The following VPS13B variants were observed in gnomAD, a reference collection of about 807,000 sequenced individuals.
VPS13B encodes the protein vacuolar protein sorting 13 homolog B, also known as intermembrane lipid transfer protein VPS13B.
A neutral mutation model predicts 426.4 loss-of-function variants in VPS13B; 285 were observed. The observed-to-expected ratio is 0.67, with a 90% CI of 0.61 to 0.74. VPS13B has a LOEUF of 0.74. Ranked by LOEUF, VPS13B falls within the 30% of genes least tolerant of loss-of-function variation. The pLI is 0.00. For missense variants in VPS13B, 4,537 were observed against 4,782.6 expected, an observed-to-expected ratio of 0.95 and a Z score of 1.51; for synonymous variants, 1,676 against 1,676.4, an observed-to-expected ratio of 1.00 and a Z score of 0.01.
intron 19 of VPS13B, among the ~76,000 whole-genome samples, chr8:99,310,430 A>C (rs1435089782): frequency 6.6e-6 from 1 of 152,202 alleles, no homozygotes; most frequent in East Asian, 1.9e-4. Context: ...CCTTTTCTGC[A>C]TCTATTGAGA....
chr8:99,820,215 A>G (rs569887276), intron 49 of VPS13B, 93 bp downstream of exon 49: 2 of 1,284,906 alleles, frequency 1.6e-6, no homozygotes, highest in East Asian at 4.8e-5. Context: ...AGAATGAATC[A>G]GTTGTGAAAA....
rs1829387190 is a variant in VPS13B, at chr8:99,641,956, C to A, written c.5366C>A (p.Ala1789Asp). 7 of 1,614,090 alleles carry A rather than the reference C, an allele frequency of 4.3e-6. No individual in the cohort carries two copies. In the East Asian group the frequency reaches 1.6e-4, roughly 36 times the overall value. ...GTGCAAATAGAGCAGCACAGTGGTGCCAGTCAGCATCGCATTGCCCGTCCC... is the reference window on the plus strand; with the variant it reads ...GTGCAAATAGAGCAGCACAGTGGTGACAGTCAGCATCGCATTGCCCGTCCC... ...RIVQIEQHSG[A>D]SQHRIARPSR... The change falls in exon 34 of 62, where the codon GCC (alanine) becomes GAC (aspartate). Residue 1789 changes from alanine to aspartate, a missense_variant. Physicochemically the swap from Ala to Asp is moderately radical, Grantham distance 126 (BLOSUM62 -2). Around this residue, in one of 2 missense-constraint regions of VPS13B, gnomAD observed 4,311 missense variants for 4,474.3 expected, o/e 0.96. Coordinates refer to ENST00000357162, the MANE Select transcript of VPS13B (RefSeq NM_152564.5).
chr8:99,731,643 G>T (rs1460533063), intron 39 of VPS13B, among the ~76,000 whole-genome samples: 2 of 152,124 alleles, frequency 1.3e-5, no homozygotes, highest in Admixed American at 6.6e-5. Flanking sequence ...GAGATGAGAG[G>T]CTGCAACCTG....
At chr8:99,022,603 A>C (rs914097979) in intron 2 of VPS13B, among the ~76,000 whole-genome samples, 1 of 152,178 alleles carries the variant, frequency 6.6e-6, no homozygotes, top group Non-Finnish European at 1.5e-5. Flanking sequence ...CATTCTGTAA[A>C]TATCACTTAC....
At chr8:99,405,228 C>G (rs1588338227) in intron 21 of VPS13B, among the ~76,000 whole-genome samples, 2 of 152,150 alleles carry the variant, frequency 1.3e-5, no homozygotes, top group Admixed American at 6.5e-5. Flanking sequence ...CTACACATCT[C>G]TACTTAGGTA....
At chr8:99,065,601 G>A (rs1452871087) in intron 3 of VPS13B, among the ~76,000 whole-genome samples, 1 of 152,166 alleles carries the variant, frequency 6.6e-6, no homozygotes, top group Non-Finnish European at 1.5e-5. Context: ...GCACAACACA[G>A]GGATGCCCTC....
intron 17 of VPS13B, among the ~76,000 whole-genome samples, chr8:99,250,129 T>C (rs1192265813): frequency 1.3e-5 from 2 of 152,236 alleles, no homozygotes; most frequent in Non-Finnish European, 2.9e-5. Flanking sequence ...ACAAATGATG[T>C]TGAATATTTT....
chr8:99,862,093 C>A (rs575724966), intron 58 of VPS13B, 147 bp downstream of exon 58: 6 of 961,930 alleles, frequency 6.2e-6, no homozygotes, highest in Non-Finnish European at 9.1e-6. Flanking sequence ...TTCTACAGTG[C>A]GTCCCGCCGG....
chr8:99,653,330 C>T (rs1338096567), intron 34 of VPS13B, among the ~76,000 whole-genome samples: 1 of 152,140 alleles, frequency 6.6e-6, no homozygotes, highest in Non-Finnish European at 1.5e-5. Flanking sequence ...TCAACATTTA[C>T]TTAAAACAAA....
At chr8:99,200,966 G>A (rs1265161218) in intron 17 of VPS13B, among the ~76,000 whole-genome samples, 1 of 150,166 alleles carries the variant, frequency 6.7e-6, no homozygotes. Context: ...ATTGATTCTT[G>A]GTCATCATCA....
intron 30 of VPS13B, chr8:99,528,037 A>G (rs1031216321): frequency 6.6e-6 from 1 of 152,110 alleles, no homozygotes; most frequent in African/African-American, 2.4e-5. Context: ...CTTATTAACT[A>G]TAGTTTGTAT....
intron 31 of VPS13B, among the ~76,000 whole-genome samples, chr8:99,559,812 G>A (rs1036984264): frequency 5.3e-5 from 8 of 151,862 alleles, no homozygotes; most frequent in Admixed American, 2.6e-4. Flanking sequence ...TACTGTAGCC[G>A]TGTAGTATAG....
intron 36 of VPS13B, among the ~76,000 whole-genome samples, chr8:99,700,657 A>C (rs1381879197): frequency 1.3e-5 from 2 of 152,208 alleles, no homozygotes; most frequent in African/African-American, 4.8e-5. Context: ...TGAGAAATCA[A>C]CTGGCAGTGA....
rs1383320552 is a variant in VPS13B, at chr8:99,028,712, T to TG, written c.148-9705dup. Among the ~76,000 whole-genome samples the TG allele has an allele frequency of 6.6e-3, 534 of 80,734 alleles. 8 individuals carry two copies. The highest frequency in any genetic ancestry group is 0.021 in the African/African-American group (500 of 23,352). 53.0% of individuals were successfully genotyped at this position (80,734 alleles called of 152,430 possible). On this transcript the variant is annotated intron_variant, in intron 2 of 61. Coordinates refer to ENST00000357162, the MANE Select transcript of VPS13B (RefSeq NM_152564.5). ...CTCCCGGACGGGGCGGCTGGCCGGG[T>TG]GGGGGGCTGACCCCCCCACCTCCCT...
Position 99,489,347 on chromosome 8 carries a change from G to GT in VPS13B, c.3870+7556dup, listed in dbSNP as rs535621282. Among the ~76,000 whole-genome samples, 701 of 143,136 alleles carry GT rather than the reference G, an allele frequency of 4.9e-3. 4 individuals carry two copies. The highest frequency in any genetic ancestry group is 0.013 in the African/African-American group (492 of 39,320). The allele number at this position is 143,136 out of a possible 152,430, so 93.9% of individuals were successfully genotyped here. A position where few individuals can be genotyped will look rare whatever the true frequency, so the allele number is the denominator to read the frequency against. ...CCATCTCCTTTGGGTTTTTTGTTTTGTTTTTTTTTTTCTGCTTAGGATTGT... is the reference window on the plus strand; with the variant it reads ...CCATCTCCTTTGGGTTTTTTGTTTTGTTTTTTTTTTTTCTGCTTAGGATTGT... On this transcript the variant is annotated intron_variant, in intron 25 of 61. Coordinates refer to ENST00000357162, the MANE Select transcript of VPS13B (RefSeq NM_152564.5).
intron 33 of VPS13B, among the ~76,000 whole-genome samples, chr8:99,641,091 A>G (rs1829338974): frequency 6.6e-6 from 1 of 152,186 alleles, no homozygotes; most frequent in African/African-American, 2.4e-5. Flanking sequence ...TGTTCTATAC[A>G]TGGGGAGTCA....
chr8:99,696,761 G>A, intron 35 of VPS13B: 2 of 1,356,596 alleles, frequency 1.5e-6, no homozygotes, highest in East Asian at 2.3e-5. Context: ...ACCCAGCAAT[G>A]AGGAAATCAT....
chr8:99,357,260 C>T (rs543489306), intron 19 of VPS13B, among the ~76,000 whole-genome samples: 1 of 152,330 alleles, frequency 6.6e-6, no homozygotes, highest in Admixed American at 6.5e-5. Context: ...CTGACTTTCC[C>T]AGCCTGCTGT....
intron 17 of VPS13B, among the ~76,000 whole-genome samples, chr8:99,237,390 T>C (rs555096282): frequency 3.3e-5 from 5 of 152,242 alleles, no homozygotes; most frequent in Admixed American, 6.5e-5. Flanking sequence ...ATCACTGTTA[T>C]CTTTCAATAC....
Sources: gnomAD v4.1 joint callset for allele counts (sites outside exome capture counted in the v4.1 genomes callset) on GRCh38, gnomAD v4.1.1 for gene constraint, gnomAD v4.1.1 regional missense constraint, MANE v1.5 for transcripts, NCBI Gene and HGNC (gene_info 2026-07-23, HGNC 2026-07-21) for gene names.